PLCL1: variants seen among roughly 807,000 people sequenced by gnomAD.
PLCL1 encodes phospholipase C like 1 (inactive).
PLCL1 carries 41 observed loss-of-function variants against 84.4 expected under a neutral mutation model. That is an observed-to-expected ratio of 0.49 (90% confidence interval 0.38 to 0.63). PLCL1 has a LOEUF of 0.63. PLCL1 is among the 30% of genes least tolerant of loss of function. The probability of loss-of-function intolerance (pLI) is 0.00; values close to 1 mark genes in which losing one functional copy is unlikely to be tolerated. For synonymous variants in PLCL1, 490 were observed against 488.3 expected, an observed-to-expected ratio of 1.00 and a Z score of -0.05; for missense variants, 1,206 against 1,367.8, an observed-to-expected ratio of 0.88 and a Z score of 1.87.
intron 2 of PLCL1, 81 bp from the exon 3 acceptor site, chr2:198,088,777 G>A: frequency 3.6e-6 from 3 of 830,326 alleles, no homozygotes; most frequent in Non-Finnish European, 4.3e-6. Context: ...AAAAATGAAT[G>A]TACTTTTCTG....
intron 1 of PLCL1, among the ~76,000 whole-genome samples, chr2:197,923,931 G>A (rs1421521314): frequency 5.3e-5 from 8 of 150,540 alleles, no homozygotes; most frequent in South Asian, 2.1e-4. Flanking sequence ...CAAGGCTGGC[G>A]GATCACTCGC....
chr2:197,804,955 G>GCCGCCA lies in PLCL1; in HGVS notation c.-140_-139insACCGCC. ...TCTCCAGAAAGTTGCCGCCGCCGCC[G>GCCGCCA]CCGCCGCCGCCACTGCCGCCGCTGG... On this transcript the variant is annotated 5_prime_UTR_variant, in exon 1 of 6. Coordinates refer to ENST00000428675, the MANE Select transcript of PLCL1 (RefSeq NM_006226.4). 1 of 1,037,390 alleles carries GCCGCCA rather than the reference G, an allele frequency of 9.6e-7. No homozygotes were observed. The highest frequency in any genetic ancestry group is 3.1e-5 in the Admixed American group (1 of 32,192). The allele number at this position is 1,037,390 out of a possible 1,614,324, so 64.3% of individuals were successfully genotyped here. A position where few individuals can be genotyped will look rare whatever the true frequency, so the allele number is the denominator to read the frequency against.
chr2:198,054,320 A>C (rs1293403840), intron 1 of PLCL1, among the ~76,000 whole-genome samples: 1 of 152,256 alleles, frequency 6.6e-6, no homozygotes, highest in Non-Finnish European at 1.5e-5. Flanking sequence ...ATTTTCAACC[A>C]AATGGACCTA....
intron 1 of PLCL1, among the ~76,000 whole-genome samples, chr2:197,975,110 C>T (rs1447496082): frequency 1.8e-4 from 25 of 138,384 alleles, no homozygotes; most frequent in Admixed American, 8.5e-4. Flanking sequence ...CACTGCAGTC[C>T]GCAGTCCGGC....
intron 1 of PLCL1, among the ~76,000 whole-genome samples, chr2:197,858,603 A>C (rs569589744): frequency 6.6e-6 from 1 of 152,266 alleles, no homozygotes; most frequent in East Asian, 1.9e-4. Context: ...AATTGGATAA[A>C]TTTCATGCCT....
Position 198,146,852 on chromosome 2 carries a change from C to A in PLCL1, c.3178C>A (p.Leu1060Met). The change falls in exon 6 of 6, where the codon CTG becomes ATG. Residue 1060 changes from leucine (L) to methionine (M), a missense_variant. Transcript: ENST00000428675. ...ENMKQIQLAC[L>M]SCGLSKAPSS... Reference sequence around the variant, plus strand: ...CATGAAGCAGATCCAGCTGGCATGCCTGTCCTGTGGACTGAGTAAAGCCCC... The same window carrying A: ...CATGAAGCAGATCCAGCTGGCATGCATGTCCTGTGGACTGAGTAAAGCCCC... 1 of 1,613,662 alleles carries A rather than the reference C, an allele frequency of 6.2e-7. No individual in the cohort carries two copies.
chr2:198,127,082 A>C (rs998734706), intron 5 of PLCL1, among the ~76,000 whole-genome samples: 3 of 151,736 alleles, frequency 2.0e-5, no homozygotes, highest in Admixed American at 1.3e-4. Flanking sequence ...TCTCTCTCCC[A>C]TGTTATTTCT....
At chr2:198,076,149 C>G (rs1241324561) in intron 1 of PLCL1, among the ~76,000 whole-genome samples, 5 of 147,112 alleles carry the variant, frequency 3.4e-5, no homozygotes, top group Non-Finnish European at 3.0e-5. Flanking sequence ...ATGGTACTAA[C>G]TACCCACTCT....
chr2:198,144,055 C>G (rs1307687659), intron 5 of PLCL1, among the ~76,000 whole-genome samples: 1 of 152,138 alleles, frequency 6.6e-6, no homozygotes, highest in Non-Finnish European at 1.5e-5. Context: ...AGAAATGGCA[C>G]AGTCTGGCAT....
At position 197,946,256 on chromosome 2, in the gene PLCL1, T is replaced by C. The variant is rs538198170; in HGVS notation, c.241-137502T>C. Among the ~76,000 whole-genome samples the C allele has an allele frequency of 2.0e-4, 31 of 152,236 alleles. 1 individual carries two copies. The highest frequency in any genetic ancestry group is 7.0e-4 in the African/African-American group (29 of 41,538). On this transcript the variant is annotated intron_variant, in intron 1 of 5. Coordinates refer to ENST00000428675, the MANE Select transcript of PLCL1 (RefSeq NM_006226.4). ...AAATCAGAAACCCTAAAGTAGAAGA[T>C]TGACATATTTGACTAAATAAAATTT...
intron 1 of PLCL1, among the ~76,000 whole-genome samples, chr2:197,878,913 A>T (rs955888035): frequency 1.3e-5 from 2 of 152,228 alleles, no homozygotes; most frequent in African/African-American, 4.8e-5. Context: ...TGGCCCATGC[A>T]GTGCTTTTAC....
intron 1 of PLCL1, among the ~76,000 whole-genome samples, chr2:198,076,970 G>T (rs1341742051): frequency 6.6e-6 from 1 of 152,150 alleles, no homozygotes; most frequent in Admixed American, 6.5e-5. Flanking sequence ...CATTGGAAAG[G>T]CAAAATGTAT....
At position 197,911,223 on chromosome 2, in the gene PLCL1, C is replaced by A. The variant is rs138887415; in HGVS notation, c.240+105884C>A. On this transcript the variant is annotated intron_variant, in intron 1 of 5. Coordinates refer to ENST00000428675, the MANE Select transcript of PLCL1 (RefSeq NM_006226.4). The stretch of plus-strand genomic sequence containing the variant: ...TGGTTGCTTGCCTCTTTAGTCCCAG[C>A]TACTCTGGAGGCTGAGGTGGGAGGA... Among the ~76,000 whole-genome samples, 527 of 152,100 alleles carry A rather than the reference C, an allele frequency of 3.5e-3. 4 individuals carry two copies. The highest frequency in any genetic ancestry group is 0.012 in the African/African-American group (489 of 41,486).
chr2:197,908,500 C>T (rs999864856), intron 1 of PLCL1, among the ~76,000 whole-genome samples: 16 of 152,216 alleles, frequency 1.1e-4, no homozygotes, highest in Non-Finnish European at 1.3e-4. Flanking sequence ...AGTCTACTTT[C>T]TCTTCCATGA....
intron 5 of PLCL1, among the ~76,000 whole-genome samples, chr2:198,106,481 G>T (rs934113420): frequency 6.6e-6 from 1 of 151,868 alleles, no homozygotes; most frequent in Non-Finnish European, 1.5e-5. Context: ...GAGCAGGGAT[G>T]ACCTAGAGCT....
At chr2:197,947,588 A>G (rs996733324) in intron 1 of PLCL1, among the ~76,000 whole-genome samples, 2 of 152,192 alleles carry the variant, frequency 1.3e-5, no homozygotes, top group African/African-American at 4.8e-5. Context: ...GGGAATGTGC[A>G]AAGTAGAGAA....
chr2:198,144,125 T>G (rs1016825093), intron 5 of PLCL1, among the ~76,000 whole-genome samples: 2 of 152,198 alleles, frequency 1.3e-5, no homozygotes, highest in African/African-American at 4.8e-5. Flanking sequence ...ATATGTTTCA[T>G]GCCATGCTGT....
intron 5 of PLCL1, among the ~76,000 whole-genome samples, chr2:198,117,486 A>G (rs1295404515): frequency 6.6e-6 from 1 of 151,780 alleles, no homozygotes; most frequent in Non-Finnish European, 1.5e-5. Context: ...TTGGATGGGC[A>G]CAATTTGAAC....
intron 5 of PLCL1, among the ~76,000 whole-genome samples, chr2:198,142,583 A>G (rs1214605830): frequency 6.6e-6 from 1 of 152,202 alleles, no homozygotes; most frequent in Non-Finnish European, 1.5e-5. Flanking sequence ...CAGAATTTCT[A>G]TAATGATCTC....
Sources: gnomAD v4.1 joint callset for allele counts (sites outside exome capture counted in the v4.1 genomes callset) on GRCh38, gnomAD v4.1.1 for gene constraint, MANE v1.5 for transcripts, NCBI Gene and HGNC (gene_info 2026-07-23, HGNC 2026-07-21) for gene names.